Variants in FILIP1 observed in about 807,000 individuals in gnomAD.
The protein encoded by FILIP1 is filamin A interacting protein 1, also known as filamin-A-interacting protein 1.
Under a neutral mutation model 102.1 loss-of-function variants are expected in FILIP1, and 61 were observed. The ratio of observed to expected loss-of-function variants is 0.60; its 90% CI spans 0.49 to 0.74. The LOEUF is 0.74. Among genes scored for constraint, FILIP1 ranks in the 30% least tolerant of loss-of-function variants. The pLI is 0.00. For missense variants in FILIP1, 1,314 were observed against 1,441.2 expected (o/e 0.91, Z 1.43); for synonymous variants, 491 against 526.9 (o/e 0.93, Z 0.93).
At chr6:75,329,730 C>T (rs1408591224) in intron 4 of FILIP1, among the ~76,000 whole-genome samples, 1 of 152,042 alleles carries the variant, frequency 6.6e-6, no homozygotes, top group Non-Finnish European at 1.5e-5. Flanking sequence ...CATGGTTTAA[C>T]CAAATAACTC....
intron 2 of FILIP1, among the ~76,000 whole-genome samples, chr6:75,413,115 A>G (rs1388417324): frequency 6.6e-6 from 1 of 152,204 alleles, no homozygotes; most frequent in Non-Finnish European, 1.5e-5. Context: ...AATCTTAAAT[A>G]CTTTCCAGAG....
At chr6:75,467,088 G>C (rs1237538141) in intron 1 of FILIP1, among the ~76,000 whole-genome samples, 1 of 152,130 alleles carries the variant, frequency 6.6e-6, no homozygotes, top group Non-Finnish European at 1.5e-5. Context: ...TGTCAACTAA[G>C]ATAAAGCTTT....
intron 1 of FILIP1, among the ~76,000 whole-genome samples, chr6:75,482,688 G>A (rs1280093416): frequency 6.6e-6 from 1 of 152,104 alleles, no homozygotes; most frequent in Non-Finnish European, 1.5e-5. Context: ...AATTAATATT[G>A]TTAGAAAAGC....
chr6:75,326,598 C>T (rs1466325118), intron 4 of FILIP1, among the ~76,000 whole-genome samples: 1 of 152,066 alleles, frequency 6.6e-6, no homozygotes, highest in Non-Finnish European at 1.5e-5. Flanking sequence ...GAAAGGTCTC[C>T]TAGGTAGTGT....
chr6:75,293,945 C>T (rs979610280), exon 7 of FILIP1: 3 of 152,128 alleles, frequency 2.0e-5, no homozygotes, highest in Non-Finnish European at 2.9e-5. Context: ...TAAAAAATCA[C>T]ACATACACAC....
chr6:75,369,379 C>T (rs1775443892), intron 2 of FILIP1, among the ~76,000 whole-genome samples: 1 of 152,162 alleles, frequency 6.6e-6, no homozygotes, highest in African/African-American at 2.4e-5. Context: ...ATGACAAACA[C>T]CGGTCAGAAA....
At chr6:75,316,787 A>G (rs558833036) in intron 4 of FILIP1, among the ~76,000 whole-genome samples, 2 of 152,324 alleles carry the variant, frequency 1.3e-5, no homozygotes, top group South Asian at 4.1e-4. Context: ...ATACTGTAAC[A>G]GCATCACTAA....
intron 1 of FILIP1, among the ~76,000 whole-genome samples, chr6:75,458,538 C>T (rs1460723091): frequency 6.6e-6 from 1 of 152,156 alleles, no homozygotes; most frequent in East Asian, 1.9e-4. Flanking sequence ...CCTACTAAAG[C>T]AGATACGCTT....
chr6:75,359,863 G>T (rs1012957497), intron 3 of FILIP1, among the ~76,000 whole-genome samples: 1 of 152,256 alleles, frequency 6.6e-6, no homozygotes, highest in South Asian at 2.1e-4. Flanking sequence ...GGCTTCCTAG[G>T]CCTGGGAACA....
At chr6:75,415,001 G>A (rs781346431) in intron 1 of FILIP1, 23 bp from the exon 2 acceptor site, 1 of 1,591,684 alleles carries the variant, frequency 6.3e-7, no homozygotes. Context: ...CATAAAAAAA[G>A]ATAAGATGTT....
chr6:75,491,216 C>T (rs982038199), intron 1 of FILIP1, among the ~76,000 whole-genome samples: 11 of 151,974 alleles, frequency 7.2e-5, no homozygotes, highest in African/African-American at 2.4e-4. Context: ...AAATGTCTTC[C>T]AGGCAGGGAG....
intron 1 of FILIP1, among the ~76,000 whole-genome samples, chr6:75,444,491 A>G (rs1256820427): frequency 6.6e-6 from 1 of 152,208 alleles, no homozygotes; most frequent in East Asian, 1.9e-4. Flanking sequence ...AATTGTAATT[A>G]TATTGATGTT....
intron 1 of FILIP1, among the ~76,000 whole-genome samples, chr6:75,460,915 C>G (rs1176518600): frequency 6.6e-6 from 1 of 152,104 alleles, no homozygotes; most frequent in African/African-American, 2.4e-5. Flanking sequence ...ATAGAACTGG[C>G]CCAAACAAGC....
chr6:75,447,277 A>G (rs1325520922), intron 1 of FILIP1, among the ~76,000 whole-genome samples: 3 of 152,180 alleles, frequency 2.0e-5, no homozygotes, highest in Non-Finnish European at 4.4e-5. Flanking sequence ...CCCCTGCAAG[A>G]AACACTGGAA....
At chr6:75,467,843 C>T (rs1014292048) in intron 1 of FILIP1, among the ~76,000 whole-genome samples, 22 of 152,086 alleles carry the variant, frequency 1.4e-4, no homozygotes, top group Non-Finnish European at 2.9e-4. Flanking sequence ...GGAATGGATA[C>T]GAAGGACAAG....
chr6:75,410,652 G>A (rs938525199), intron 2 of FILIP1, among the ~76,000 whole-genome samples: 7 of 152,096 alleles, frequency 4.6e-5, no homozygotes, highest in South Asian at 2.1e-4. Flanking sequence ...TGTGGTGTTC[G>A]GTTGTCTGTT....
At chr6:75,467,184 T>C (rs1779193865) in intron 1 of FILIP1, among the ~76,000 whole-genome samples, 1 of 152,230 alleles carries the variant, frequency 6.6e-6, no homozygotes, top group Non-Finnish European at 1.5e-5. Context: ...ACTTTACTAC[T>C]TGCACAATAA....
chr6:75,301,693 C>G (rs1381969554), intron 6 of FILIP1, among the ~76,000 whole-genome samples: 2 of 152,130 alleles, frequency 1.3e-5, no homozygotes, highest in Non-Finnish European at 2.9e-5. Flanking sequence ...TATTATGACT[C>G]TAAGAGAGAA....
Position 75,428,152 on chromosome 6 carries a change from C to G in FILIP1, c.-6-13174G>C, listed in dbSNP as rs974301198. Among the ~76,000 whole-genome samples, 2 of 152,268 alleles carry G rather than the reference C, an allele frequency of 1.3e-5. 1 individual carries two copies. The highest frequency in any genetic ancestry group is 4.1e-4 in the South Asian group (2 of 4,824). ...TAATTCTCAAATCCCCTTTTCTTTGCTAAGTGCCAGCCTCCTTGTTTGAGT... is the reference window on the plus strand; with the variant it reads ...TAATTCTCAAATCCCCTTTTCTTTGGTAAGTGCCAGCCTCCTTGTTTGAGT... On this transcript the variant is annotated intron_variant, in intron 1 of 5. Transcript: ENST00000237172.
Sources: gnomAD v4.1 joint callset for allele counts (sites outside exome capture counted in the v4.1 genomes callset) on GRCh38, gnomAD v4.1.1 for gene constraint, MANE v1.5 for transcripts, NCBI Gene and HGNC (gene_info 2026-07-23, HGNC 2026-07-21) for gene names.